The following RBMS1 variants were observed in gnomAD, a reference collection of about 807,000 sequenced individuals.
RBMS1 encodes RNA binding motif single stranded interacting protein 1.
RBMS1 carries 17 observed loss-of-function variants against 62.3 expected under a neutral mutation model. That is an observed-to-expected ratio of 0.27 (90% CI 0.19 to 0.41). The LOEUF (loss-of-function observed/expected upper bound fraction) is 0.41, where lower values mean the gene tolerates loss of function less well. Among genes scored for constraint, RBMS1 ranks in the 10% least tolerant of loss-of-function variants. RBMS1 has a pLI of 1.00. For synonymous variants in RBMS1, 172 were observed against 170.0 expected, an observed-to-expected ratio of 1.01 and a Z score of -0.09; for missense variants, 334 against 504.5, an observed-to-expected ratio of 0.66 and a Z score of 3.24.
At chr2:160,485,372 C>G (rs1262759141) in intron 1 of RBMS1, among the ~76,000 whole-genome samples, 2 of 152,152 alleles carry the variant, frequency 1.3e-5, no homozygotes, top group Non-Finnish European at 2.9e-5. Flanking sequence ...AAAGCAAAGA[C>G]GAGTTCCTGG....
chr2:160,493,154 T>C (rs1352818869), intron 1 of RBMS1, 135 bp downstream of exon 1: 3 of 846,102 alleles, frequency 3.5e-6, no homozygotes, highest in Non-Finnish European at 3.6e-6. Flanking sequence ...AGGCCAGCGC[T>C]ATAGTTAGCA....
intron 2 of RBMS1, among the ~76,000 whole-genome samples, chr2:160,363,359 G>A (rs1447556484): frequency 6.6e-6 from 1 of 152,172 alleles, no homozygotes; most frequent in African/African-American, 2.4e-5. Context: ...CTGATTATGA[G>A]CTGGCAATAC....
intron 1 of RBMS1, chr2:160,407,410 C>G (rs537443286): frequency 1.0e-6 from 1 of 985,884 alleles, no homozygotes; most frequent in South Asian, 4.6e-5. Flanking sequence ...GCGCGGCCCC[C>G]TTTGTAACGC....
At chr2:160,291,170 G>C (rs1206022499) in intron 6 of RBMS1, among the ~76,000 whole-genome samples, 1 of 152,212 alleles carries the variant, frequency 6.6e-6, no homozygotes, top group Non-Finnish European at 1.5e-5. Context: ...CTTTTCCTCA[G>C]CAGGTTCTAA....
Position 160,300,718 on chromosome 2 carries a change from T to C in RBMS1, c.573A>G (p.Thr191=), listed in dbSNP as rs1377517419. ...GACCAATAACAGCTTCACATTTTTC[T>C]GTTGATTCCATCCTATTTATAATAA... ...RGVGFARMES[T]EKCEAVIGHF... The change falls in exon 6 of 14, where the codon ACA becomes ACG. Residue 191 remains threonine (T), a synonymous_variant. Transcript: ENST00000348849. The C allele has an allele frequency of 3.1e-6, 5 of 1,598,622 alleles. No homozygotes were observed. Among genetic ancestry groups the C allele is most frequent in the Non-Finnish European group, 4.3e-6 (5 of 1,174,118 alleles).
intron 1 of RBMS1, among the ~76,000 whole-genome samples, chr2:160,486,962 A>C (rs915066386): frequency 6.6e-6 from 1 of 152,262 alleles, no homozygotes; most frequent in Non-Finnish European, 1.5e-5. Flanking sequence ...TTTAAGGAGT[A>C]CATTTCCAAC....
intron 2 of RBMS1, among the ~76,000 whole-genome samples, chr2:160,353,626 G>A (rs574993588): frequency 3.3e-5 from 5 of 152,216 alleles, no homozygotes; most frequent in African/African-American, 9.6e-5. Context: ...AGAGTTAAGT[G>A]TAACATTCAC....
intron 1 of RBMS1, among the ~76,000 whole-genome samples, chr2:160,437,280 A>G (rs763243866): frequency 5.9e-5 from 9 of 152,200 alleles, no homozygotes; most frequent in Non-Finnish European, 1.2e-4. Context: ...GAGCCCTTCT[A>G]AAGGAACTCT....
intron 1 of RBMS1, among the ~76,000 whole-genome samples, chr2:160,389,067 T>C (rs1163452101): frequency 6.6e-6 from 1 of 152,238 alleles, no homozygotes; most frequent in Non-Finnish European, 1.5e-5. Flanking sequence ...AACGACCTCA[T>C]TTTAATCAGA....
intron 1 of RBMS1, among the ~76,000 whole-genome samples, chr2:160,368,704 T>C (rs1693552937): frequency 6.6e-6 from 1 of 152,184 alleles, no homozygotes; most frequent in African/African-American, 2.4e-5. Context: ...AGTGGTGCAA[T>C]CTCGGCTCAC....
intron 1 of RBMS1, among the ~76,000 whole-genome samples, chr2:160,394,931 T>C (rs1326509424): frequency 1.3e-5 from 2 of 152,246 alleles, no homozygotes; most frequent in African/African-American, 4.8e-5. Flanking sequence ...ATTTTAATTA[T>C]TTAGGAGTAA....
Position 160,281,351 on chromosome 2 carries a change from G to A in RBMS1, c.914C>T (p.Ser305Leu), listed in dbSNP as rs903757281. Reference sequence around the variant, plus strand: ...AATATATGGTTGAGGTTGCATCCACGAAGGACTTTGCACCTAGAAAAGGGA... The same window carrying A: ...AATATATGGTTGAGGTTGCATCCACAAAGGACTTTGCACCTAGAAAAGGGA... ...PVSAYQVQSP[S>L]WMQPQPYILQ... is the part of the protein sequence containing the mutation. Residue 305 changes from serine to leucine, a missense_variant, in exon 10 of 14, where the codon TCG (serine) becomes TTG (leucine). Ser to Leu is a moderately radical substitution (Grantham distance 145). Coordinates refer to ENST00000348849, the MANE Select transcript of RBMS1 (RefSeq NM_016836.4). 20 of 1,609,202 alleles carry A rather than the reference G, an allele frequency of 1.2e-5. No individual in the cohort carries two copies. Among genetic ancestry groups the A allele is most frequent in the South Asian group, 2.2e-5 (2 of 90,366 alleles).
chr2:160,329,353 C>T (rs1215397181), intron 2 of RBMS1, among the ~76,000 whole-genome samples: 3 of 152,128 alleles, frequency 2.0e-5, no homozygotes, highest in Middle Eastern at 3.2e-3. Flanking sequence ...TAAACTTAGA[C>T]GTTTGGCTCA....
chr2:160,460,549 T>C (rs1380556144), intron 1 of RBMS1, among the ~76,000 whole-genome samples: 1 of 152,172 alleles, frequency 6.6e-6, no homozygotes, highest in Non-Finnish European at 1.5e-5. Flanking sequence ...GCTAGCTAGT[T>C]ACCAGGGGAA....
intron 1 of RBMS1, among the ~76,000 whole-genome samples, chr2:160,444,472 T>C (rs1683555855): frequency 1.3e-5 from 2 of 152,356 alleles, no homozygotes; most frequent in South Asian, 2.1e-4. Context: ...TTGCGTGTCT[T>C]ACTCAACTCA....
chr2:160,459,603 A>G (rs1402210280), intron 1 of RBMS1, among the ~76,000 whole-genome samples: 12 of 152,196 alleles, frequency 7.9e-5, no homozygotes. Context: ...ATCATTATTA[A>G]CTGTTGACCA....
At chr2:160,287,153 A>C (rs1688442585) in intron 6 of RBMS1, 69 bp from the exon 7 acceptor site, 2 of 1,585,686 alleles carry the variant, frequency 1.3e-6, no homozygotes, top group Non-Finnish European at 1.7e-6. Context: ...AATGTATTAC[A>C]AAAATAGGAA....
chr2:160,426,250 AAAG>A (rs1446546529), intron 1 of RBMS1, among the ~76,000 whole-genome samples: 1 of 123,886 alleles, frequency 8.1e-6, no homozygotes, highest in Non-Finnish European at 1.7e-5. Flanking sequence ...AGAAAGAAAG[AAAG>A]AAAGAAAGAA....
rs143217206 is a variant in RBMS1, at chr2:160,456,143, CAAACTT to C, written c.75+37140_75+37145del. On this transcript the variant is annotated intron_variant, in intron 1 of 13. Coordinates refer to ENST00000348849, the MANE Select transcript of RBMS1 (RefSeq NM_016836.4). ...ACTAATAATTTCAGGAAAAAACAAACAAACTTAAAAAGGTAAAATAGTAGTTGTAAC... is the reference window on the plus strand; with the variant it reads ...ACTAATAATTTCAGGAAAAAACAAACAAAAAGGTAAAATAGTAGTTGTAAC... 1.9e-3 allele frequency among the ~76,000 whole-genome samples: 292 copies of C among 152,296 alleles called. 7 individuals are homozygous for C. In the East Asian group the frequency reaches 0.053, roughly 28 times the overall value.
Sources: allele counts gnomAD v4.1 joint callset (sites outside exome capture counted in the v4.1 genomes callset), GRCh38; gene constraint gnomAD v4.1.1; transcripts MANE v1.5; gene names NCBI Gene and HGNC (gene_info 2026-07-23, HGNC 2026-07-21).